Variants in LRP1B observed in about 807,000 individuals in gnomAD.
LRP1B encodes the protein LDL receptor related protein 1B.
A neutral mutation model predicts 556.6 loss-of-function variants in LRP1B; 217 were observed. The observed-to-expected ratio is 0.39, with a 90% CI of 0.35 to 0.44. LRP1B has a LOEUF of 0.44. LRP1B is among the 20% of genes least tolerant of loss of function. LRP1B has a pLI of 1.00. For synonymous variants in LRP1B, 2,047 were observed against 1,865.8 expected, an observed-to-expected ratio of 1.10 and a Z score of -2.50; for missense variants, 5,053 against 5,620.8, an observed-to-expected ratio of 0.90 and a Z score of 3.23.
At chr2:141,700,762 G>A (rs28681388) in intron 2 of LRP1B, among the ~76,000 whole-genome samples, 38,343 of 151,638 alleles carry the variant, frequency 0.25, 5,218 homozygotes, top group East Asian at 0.5. Context: ...CCTTTAAGGA[G>A]AACTTGTGCT....
chr2:140,340,120 C>A, intron 77 of LRP1B, among the ~76,000 whole-genome samples: 1 of 150,780 alleles, frequency 6.6e-6, no homozygotes, highest in Non-Finnish European at 1.5e-5. Context: ...ACCTTTTATT[C>A]CTGATTCACC....
At chr2:141,399,328 T>C (rs1347978659) in intron 3 of LRP1B, among the ~76,000 whole-genome samples, 1 of 152,172 alleles carries the variant, frequency 6.6e-6, no homozygotes, top group African/African-American at 2.4e-5. Context: ...ATATGAGATG[T>C]ACCTTACATG....
intron 47 of LRP1B, among the ~76,000 whole-genome samples, chr2:140,529,773 G>A (rs778975407): frequency 6.6e-6 from 1 of 151,912 alleles, no homozygotes; most frequent in Non-Finnish European, 1.5e-5. Context: ...ATCTCAGCAG[G>A]GAAGGAAGCA....
intron 7 of LRP1B, among the ~76,000 whole-genome samples, chr2:141,145,535 CTT>C (rs71723433): frequency 2.1e-5 from 3 of 144,092 alleles, no homozygotes; most frequent in Non-Finnish European, 1.5e-5. Context: ...TTTAATTAAA[CTT>C]TTTTTTTTTT....
intron 79 of LRP1B, among the ~76,000 whole-genome samples, chr2:140,328,980 G>C (rs1573800284): frequency 6.6e-6 from 1 of 152,100 alleles, no homozygotes; most frequent in African/African-American, 2.4e-5. Flanking sequence ...TCCAGGACCA[G>C]TATGTAGTTA....
rs3033314 is a variant in LRP1B, at chr2:140,264,702, A to ATGTGTGTG, written c.13247+5532_13247+5539dup. Reference sequence around the variant, plus strand: ...TGACAAAAAAAAAAATTGTCTATATATGTGTGTGTGTGTGTGTGTGTGTGT... The same window carrying ATGTGTGTG: ...TGACAAAAAAAAAAATTGTCTATATATGTGTGTGTGTGTGTGTGTGTGTGTGTGTGTGT... On this transcript the variant is annotated intron_variant, in intron 86 of 90. Transcript: ENST00000389484. 2.4e-3 allele frequency among the ~76,000 whole-genome samples: 364 copies of ATGTGTGTG among 148,950 alleles called. 10 individuals are homozygous for ATGTGTGTG. The East Asian group carries it at 0.052, about 21-fold the overall frequency.
intron 10 of LRP1B, among the ~76,000 whole-genome samples, chr2:141,052,805 T>C (rs1304558888): frequency 6.6e-6 from 1 of 151,858 alleles, no homozygotes; most frequent in Non-Finnish European, 1.5e-5. Flanking sequence ...GCCTGTCTAA[T>C]TTTTGTAGCT....
rs745943658 is a variant in LRP1B, at chr2:140,776,135, T to C, written c.5463A>G (p.Val1821=). Residue 1821 remains valine (V), a synonymous_variant, in exon 33 of 91, where the codon GTA becomes GTG. Transcript: ENST00000389484. The part of the protein sequence containing the change: ...PTILRNKTSG[V]VHMKVYDKEA... ...CTTTATCATAGACTTTCATATGAAC[T>C]ACCCCAGAAGTCTTATTCCGTAGGA... 6.4e-7 allele frequency: 1 copy of C among 1,574,346 alleles called. No individual in the cohort carries two copies. Among genetic ancestry groups the C allele is most frequent in the South Asian group, 1.2e-5 (1 of 85,102 alleles).
chr2:140,915,153 A>G (rs558644894), intron 21 of LRP1B, among the ~76,000 whole-genome samples: 1 of 152,278 alleles, frequency 6.6e-6, no homozygotes, highest in Admixed American at 6.5e-5. Context: ...GACATAAGAC[A>G]TCGAGGTACT....
chr2:140,451,855 A>T (rs911714397), intron 62 of LRP1B, among the ~76,000 whole-genome samples: 16 of 152,106 alleles, frequency 1.1e-4, no homozygotes, highest in Admixed American at 5.9e-4. Context: ...TAAAAAAAAA[A>T]CTTTTCACTA....
intron 41 of LRP1B, among the ~76,000 whole-genome samples, chr2:140,641,963 A>G (rs1414600019): frequency 1.3e-5 from 2 of 152,262 alleles, no homozygotes; most frequent in African/African-American, 2.4e-5. Flanking sequence ...AATGTATCAG[A>G]ACAATAGAAT....
intron 3 of LRP1B, among the ~76,000 whole-genome samples, chr2:141,382,344 A>ATCTGCCTTT (rs1360457021): frequency 4.6e-5 from 7 of 152,218 alleles, no homozygotes; most frequent in African/African-American, 7.2e-5. Context: ...CCTCTGTGCC[A>ATCTGCCTTT]CAGCAGATAC....
intron 2 of LRP1B, among the ~76,000 whole-genome samples, chr2:141,624,036 C>CAAAAAAAAAAAAAAAAAAAAAAAA: frequency 1.7e-3 from 150 of 90,638 alleles, no homozygotes; most frequent in Non-Finnish European, 2.0e-3. Context: ...AAAAATTAAA[C>CAAAAAAAAAAAAAAAAAAAAAAAA]AAAAAAAAAA....
intron 44 of LRP1B, 26 bp downstream of exon 44, chr2:140,541,753 C>A: frequency 1.3e-6 from 2 of 1,547,708 alleles, no homozygotes; most frequent in Non-Finnish European, 8.8e-7. Context: ...AATGAAAAAA[C>A]ACATTTGCTT....
chr2:141,814,209 C>T (rs1249041101), intron 1 of LRP1B, among the ~76,000 whole-genome samples: 6 of 152,060 alleles, frequency 3.9e-5, no homozygotes, highest in Admixed American at 2.6e-4. Flanking sequence ...GAAATGTGCC[C>T]AGAAAAGTAG....
chr2:141,506,899 T>C (rs1308942539), intron 2 of LRP1B, among the ~76,000 whole-genome samples: 2 of 152,168 alleles, frequency 1.3e-5, no homozygotes, highest in African/African-American at 2.4e-5. Context: ...GAATATATTA[T>C]GTGTAAATGA....
Position 140,642,437 on chromosome 2 carries a change from T to C in LRP1B, c.6800-40798A>G, listed in dbSNP as rs557081606. Reference sequence around the variant, plus strand: ...TTTTAGGTTCCAAAGTAAATAAAGATGGGGTCCTGGTGTTCATATGGGTTA... The same window carrying C: ...TTTTAGGTTCCAAAGTAAATAAAGACGGGGTCCTGGTGTTCATATGGGTTA... On this transcript the variant is annotated intron_variant, in intron 41 of 90. Transcript: ENST00000389484. Among the ~76,000 whole-genome samples the C allele has an allele frequency of 1.1e-4, 17 of 152,248 alleles. No individual in the cohort carries two copies. In the South Asian group the frequency reaches 3.5e-3, roughly 32 times the overall value.
chr2:140,279,317 T>A lies in LRP1B; in HGVS notation c.12968-4719A>T, dbSNP rs190079888. 2.1e-3 allele frequency among the ~76,000 whole-genome samples: 320 copies of A among 152,088 alleles called. 1 individual carries two copies. The highest frequency in any genetic ancestry group is 6.0e-3 in the African/African-American group (248 of 41,544). On this transcript the variant is annotated intron_variant, in intron 84 of 90. Coordinates refer to ENST00000389484, the MANE Select transcript of LRP1B (RefSeq NM_018557.3). The stretch of plus-strand genomic sequence containing the variant: ...TATCACGGTGCATGCTATGTGCAAG[T>A]CCAGGAAAGAGTTTGAAACATCTGA...
At chr2:141,771,304 C>T (rs1203433033) in intron 2 of LRP1B, among the ~76,000 whole-genome samples, 4 of 152,160 alleles carry the variant, frequency 2.6e-5, no homozygotes, top group African/African-American at 9.7e-5. Flanking sequence ...AGGTACCTAA[C>T]TGCCCCAAAG....
Sources: gnomAD v4.1 joint callset for allele counts (sites outside exome capture counted in the v4.1 genomes callset) on GRCh38, gnomAD v4.1.1 for gene constraint, MANE v1.5 for transcripts, NCBI Gene and HGNC (gene_info 2026-07-23, HGNC 2026-07-21) for gene names.